Variants in PALS2 observed in about 807,000 individuals in gnomAD.
PALS2 encodes protein associated with LIN7 2, MAGUK p55 family member, also known as protein PALS2.
PALS2 carries 27 observed loss-of-function variants against 61.6 expected under a neutral mutation model. The observed-to-expected ratio is 0.44, with a 90% CI of 0.32 to 0.60. The LOEUF (loss-of-function observed/expected upper bound fraction) is 0.60. Among genes scored for constraint, PALS2 ranks in the 20% least tolerant of loss-of-function variants. PALS2 has a pLI of 0.05. For missense variants in PALS2, 554 were observed against 639.4 expected, an observed-to-expected ratio of 0.87 and a Z score of 1.44; for synonymous variants, 236 against 218.6, an observed-to-expected ratio of 1.08 and a Z score of -0.70.
intron 11 of PALS2, among the ~76,000 whole-genome samples, chr7:24,686,203 C>G (rs546082065): frequency 3.9e-5 from 6 of 152,214 alleles, no homozygotes; most frequent in African/African-American, 1.4e-4. Context: ...ATTTTATCAC[C>G]AAAATAAATT....
At chr7:24,680,933 A>G (rs1002477719) in intron 11 of PALS2, among the ~76,000 whole-genome samples, 3 of 152,226 alleles carry the variant, frequency 2.0e-5, no homozygotes, top group Non-Finnish European at 4.4e-5. Context: ...TAAACATGCT[A>G]TATAAGGTGC....
chr7:24,679,399 C>G, intron 10 of PALS2, 66 bp downstream of exon 10: 1 of 1,541,452 alleles, frequency 6.5e-7, no homozygotes, highest in Admixed American at 1.8e-5. Flanking sequence ...TCATGTGTGT[C>G]GGGGTTGTTG....
At chr7:24,611,228 C>T (rs1273030557) in intron 1 of PALS2, among the ~76,000 whole-genome samples, 2 of 151,968 alleles carry the variant, frequency 1.3e-5, no homozygotes, top group Non-Finnish European at 2.9e-5. Flanking sequence ...GTATTGTAGA[C>T]AGCTAGAAAT....
intron 1 of PALS2, among the ~76,000 whole-genome samples, chr7:24,574,874 T>C (rs1782588053): frequency 6.6e-6 from 1 of 152,168 alleles, no homozygotes; most frequent in South Asian, 2.1e-4. Flanking sequence ...CGTATATAGG[T>C]ATAGCAACGG....
intron 1 of PALS2, among the ~76,000 whole-genome samples, chr7:24,593,276 C>G (rs1384925260): frequency 2.6e-5 from 4 of 152,000 alleles, no homozygotes; most frequent in African/African-American, 9.7e-5. Flanking sequence ...ATTCTCATTC[C>G]CTTACTTTTT....
rs1788382718 is a variant in PALS2, at chr7:24,689,695, CA to C, written c.*2082del. 2 of 149,314 alleles carry C rather than the reference CA, an allele frequency of 1.3e-5. 1 individual carries two copies. The highest frequency in any genetic ancestry group is 1.4e-4 in the Admixed American group (2 of 14,754). The allele number at this position is 149,314 out of a possible 1,614,324, so 9.2% of individuals were successfully genotyped here. A position where few individuals can be genotyped will look rare whatever the true frequency, so the allele number is the denominator to read the frequency against. ...AAAATGGATTATACTATTTTAATAA[CA>C]GTGGAAACTTTCAAACTACATGTGT... On this transcript the variant is annotated 3_prime_UTR_variant, in exon 12 of 12. Transcript: ENST00000222644.
In PALS2 at chr7:24,652,985, A is replaced by C. The variant is rs545013640; in HGVS notation, c.651+2273A>C. Reference sequence around the variant, plus strand: ...TTCTGAAGTTCTTCAACTTTCTTATAGCTTAGATTTCCGGGGGCTATTCGT... The same window carrying C: ...TTCTGAAGTTCTTCAACTTTCTTATCGCTTAGATTTCCGGGGGCTATTCGT... On this transcript the variant is annotated intron_variant, in intron 5 of 11. Coordinates refer to ENST00000222644, the MANE Select transcript of PALS2 (RefSeq NM_001303037.2). 4.5e-4 allele frequency among the ~76,000 whole-genome samples: 69 copies of C among 152,300 alleles called. 1 individual carries two copies. The South Asian group carries it at 0.014, about 30-fold the overall frequency.
chr7:24,665,782 A>G, intron 7 of PALS2, 95 bp downstream of exon 7: 1 of 1,147,778 alleles, frequency 8.7e-7, no homozygotes, highest in Admixed American at 2.3e-5. Flanking sequence ...TATTTAAAAT[A>G]TGTCTAGAAT....
intron 3 of PALS2, among the ~76,000 whole-genome samples, chr7:24,644,336 C>G (rs904756116): frequency 6.6e-6 from 1 of 152,042 alleles, no homozygotes; most frequent in Non-Finnish European, 1.5e-5. Flanking sequence ...TTAGCTCCCA[C>G]TTACAAGTGA....
At position 24,667,657 on chromosome 7, in the gene PALS2, A is replaced by ATT. The variant is rs11284911; in HGVS notation, c.953-817_953-816dup. 5.4e-3 allele frequency among the ~76,000 whole-genome samples: 537 copies of ATT among 98,664 alleles called. 26 individuals carry two copies. The highest frequency in any genetic ancestry group is 7.6e-3 in the Non-Finnish European group (394 of 51,630). The allele number at this position is 98,664 out of a possible 152,430, so 64.7% of individuals were successfully genotyped here. A position where few individuals can be genotyped will look rare whatever the true frequency, so the allele number is the denominator to read the frequency against. On this transcript the variant is annotated intron_variant, in intron 8 of 11. Transcript: ENST00000222644. ...GAATTTTTCTAGCTTGATTAGATAA[A>ATT]TTTTTTTTTTTTTTTTTTTTTTTTT...
At chr7:24,653,205 T>C (rs1321873941) in intron 5 of PALS2, among the ~76,000 whole-genome samples, 5 of 152,164 alleles carry the variant, frequency 3.3e-5, no homozygotes, top group African/African-American at 7.2e-5. Flanking sequence ...TGATACAACA[T>C]ATCCAAGTTA....
chr7:24,652,094 GTT>G (rs1786182922), intron 5 of PALS2, among the ~76,000 whole-genome samples: 2 of 152,158 alleles, frequency 1.3e-5, no homozygotes, highest in African/African-American at 4.8e-5. Context: ...TTATTCCTCA[GTT>G]GGCAACTTTC....
At chr7:24,678,422 G>A (rs1787739302) in intron 9 of PALS2, among the ~76,000 whole-genome samples, 1 of 152,142 alleles carries the variant, frequency 6.6e-6, no homozygotes, top group South Asian at 2.1e-4. Flanking sequence ...TACCACTGAA[G>A]TATAAAATAG....
intron 4 of PALS2, 125 bp downstream of exon 4, chr7:24,649,889 T>C (rs918531231): frequency 3.2e-6 from 3 of 932,878 alleles, no homozygotes; most frequent in African/African-American, 1.7e-5. Context: ...TTGTTTGGCC[T>C]GTGTATAAAG....
chr7:24,610,422 A>G (rs1237380750), intron 1 of PALS2, among the ~76,000 whole-genome samples: 1 of 152,164 alleles, frequency 6.6e-6, no homozygotes, highest in African/African-American at 2.4e-5. Context: ...TGGTTTGTCC[A>G]TATATTTTCT....
At chr7:24,668,898 T>G (rs1366312578) in intron 9 of PALS2, among the ~76,000 whole-genome samples, 1 of 152,160 alleles carries the variant, frequency 6.6e-6, no homozygotes, top group African/African-American at 2.4e-5. Context: ...ACTATTCAGT[T>G]CAGAAATGTT....
At chr7:24,604,877 AGCTTCG>A (rs1783842779) in intron 1 of PALS2, among the ~76,000 whole-genome samples, 1 of 152,202 alleles carries the variant, frequency 6.6e-6, no homozygotes, top group African/African-American at 2.4e-5. Context: ...GCACTGATCA[AGCTTCG>A]GTTATCACCA....
Position 24,650,554 on chromosome 7 carries a change from C to T in PALS2, c.493C>T (p.Arg165Ter), listed in dbSNP as rs565671330. The T allele has an allele frequency of 1.9e-6, 3 of 1,613,296 alleles. No individual in the cohort carries two copies. Among genetic ancestry groups the T allele is most frequent in the South Asian group, 1.1e-5 (1 of 90,958 alleles). ...AATCCTCCATGGGGGAATGATAGAT[C>T]GACAAGGTCTACTTCATGTGGGAGA... ...ARILHGGMIDRQGLLHVGDII... is the reference protein window; with the variant it reads ...ARILHGGMID The change falls in exon 5 of 12, where the codon CGA becomes TGA. Residue 165 changes from arginine (R) to a stop codon, truncating the protein, a stop_gained. Coordinates refer to ENST00000222644, the MANE Select transcript of PALS2 (RefSeq NM_001303037.2). LOFTEE classifies it high-confidence loss of function.
chr7:24,630,865 T>C (rs1181269669), intron 2 of PALS2, among the ~76,000 whole-genome samples: 1 of 152,192 alleles, frequency 6.6e-6, no homozygotes, highest in Non-Finnish European at 1.5e-5. Flanking sequence ...ATCCCACTGT[T>C]GGGATTTACT....
Sources: allele counts gnomAD v4.1 joint callset (sites outside exome capture counted in the v4.1 genomes callset), GRCh38; gene constraint gnomAD v4.1.1; transcripts MANE v1.5; gene names NCBI Gene and HGNC (gene_info 2026-07-23, HGNC 2026-07-21).